CCL16: variants seen among roughly 807,000 people sequenced by gnomAD.
CCL16 encodes the protein C-C motif chemokine 16.
Under a neutral mutation model 7.5 loss-of-function variants are expected in CCL16, and 6 were observed. The observed-to-expected ratio is 0.80, with a 90% CI of 0.44 to 1.57. CCL16 has a LOEUF of 1.57. Ranked by LOEUF, CCL16 falls within the 40% of genes most tolerant of loss-of-function variation. CCL16 has a pLI of 0.01. For missense variants in CCL16, 134 were observed against 142.9 expected, an observed-to-expected ratio of 0.94 and a Z score of 0.32; for synonymous variants, 60 against 57.7, an observed-to-expected ratio of 1.04 and a Z score of -0.18.
rs772761377 is a variant in CCL16 at position 35,978,153 on chromosome 17, G to C, written c.187C>G (p.Pro63Ala). 6.2e-7 allele frequency: 1 copy of C among 1,614,144 alleles called. No individual in the cohort carries two copies. ...GYRKALNCHL[P>A]AIIFVTKRNR... ...AAAGGACGTGCTTACATGATTGCTG[G>C]CAGGTGACAGTTGAGGGCCTTTCTG... The change falls in exon 2 of 3, where the codon CCA (proline) becomes GCA (alanine). Residue 63 changes from proline to alanine, a missense_variant. By Grantham distance (27) the Pro-to-Ala change is conservative (BLOSUM62 -1). Transcript: ENST00000611905.
chr17:35,981,332 C>T lies in CCL16; in HGVS notation c.76+13G>A. 5 of 1,598,962 alleles carry T rather than the reference C, an allele frequency of 3.1e-6. No individual in the cohort carries two copies. Among genetic ancestry groups the T allele is most frequent in the Non-Finnish European group, 4.3e-6 (5 of 1,168,558 alleles). ...CTTTCTCGTTCCTGCCCTACAGAGA[C>T]AAGTGGACTCACTTGGCTGGCTGCG... On this transcript the variant is annotated intron_variant, in intron 1 of 2. Transcript: ENST00000611905.
chr17:35,977,756 A>G, intron 2 of CCL16, 25 bp from the exon 3 acceptor site: 1 of 1,608,596 alleles, frequency 6.2e-7, no homozygotes, highest in Non-Finnish European at 8.5e-7. Flanking sequence ...TTAGACCGTC[A>G]TGGGCTGCAG....
Position 35,976,732 on chromosome 17 carries a change from A to G in CCL16, c.*834T>C, listed in dbSNP as rs185351295. 4 of 151,984 alleles carry G rather than the reference A, an allele frequency of 2.6e-5. No individual in the cohort carries two copies. Among genetic ancestry groups the G allele is most frequent in the Admixed American group, 6.6e-5 (1 of 15,264 alleles). 9.4% of individuals were successfully genotyped at this position (151,984 alleles called of 1,614,324 possible). A position where few individuals can be genotyped will look rare whatever the true frequency, so the allele number is the denominator to read the frequency against. On this transcript the variant is annotated 3_prime_UTR_variant, in exon 3 of 3. Coordinates refer to ENST00000611905, the MANE Select transcript of CCL16 (RefSeq NM_004590.4). The stretch of plus-strand genomic sequence containing the variant: ...AGACAAAATATGAGAGGATCTAGCA[A>G]AGTCTCTGCAAAAATGATTAATGTG...
chr17:35,979,883 G>T lies in CCL16; in HGVS notation c.76+1462C>A, dbSNP rs191295461. On this transcript the variant is annotated intron_variant, in intron 1 of 2. Coordinates refer to ENST00000611905, the MANE Select transcript of CCL16 (RefSeq NM_004590.4). ...CTCTCCCAGCCCCCAAACCTTCAGA[G>T]TGCAAATCTTTTTGTAGCTTGACCC... is the stretch of plus-strand genomic sequence containing the variant. 3.3e-3 allele frequency among the ~76,000 whole-genome samples: 495 copies of T among 152,288 alleles called. 2 individuals carry two copies. The highest frequency in any genetic ancestry group is 6.8e-3 in the Middle Eastern group (2 of 294).
intron 1 of CCL16, among the ~76,000 whole-genome samples, chr17:35,980,139 A>G (rs546066832): frequency 1.3e-5 from 2 of 152,340 alleles, no homozygotes; most frequent in African/African-American, 4.8e-5. Flanking sequence ...TCCTGAGAGT[A>G]TGTGGGCAGA....
At chr17:35,977,768 C>A (rs748734275) in intron 2 of CCL16, 37 bp from the exon 3 acceptor site, 2 of 1,601,372 alleles carry the variant, frequency 1.2e-6, no homozygotes, top group Admixed American at 3.4e-5. Flanking sequence ...GGGCTGCAGA[C>A]TCGGGCAGGA....
In CCL16 at chr17:35,977,526, C is replaced by A. The variant is rs1191755251; in HGVS notation, c.*40G>T. 6.3e-7 allele frequency: 1 copy of A among 1,595,254 alleles called. No individual in the cohort carries two copies. The highest frequency in any genetic ancestry group is 1.3e-5 in the African/African-American group (1 of 74,430). ...TTCCCCTGTTTTCATAGGTTTACCC[C>A]TCTCTTCTGTAAACAAGGGCTTCCA... On this transcript the variant is annotated 3_prime_UTR_variant, in exon 3 of 3. Transcript: ENST00000611905.
rs2089647034 is a variant in CCL16 at position 35,977,514 on chromosome 17, A to G, written c.*52T>C. On this transcript the variant is annotated 3_prime_UTR_variant, in exon 3 of 3. Transcript: ENST00000611905. ...GCCTAATAAGGCTTCCCCTGTTTTCATAGGTTTACCCCTCTCTTCTGTAAA... is the reference window on the plus strand; with the variant it reads ...GCCTAATAAGGCTTCCCCTGTTTTCGTAGGTTTACCCCTCTCTTCTGTAAA... The G allele has an allele frequency of 1.9e-6, 3 of 1,552,044 alleles. No individual in the cohort carries two copies. Among genetic ancestry groups the G allele is most frequent in the Non-Finnish European group, 2.6e-6 (3 of 1,138,232 alleles).
Position 35,977,470 on chromosome 17 carries a change from A to G in CCL16, c.*96T>C. 1 of 1,016,840 alleles carries G rather than the reference A, an allele frequency of 9.8e-7. No homozygotes were observed. Among genetic ancestry groups the G allele is most frequent in the Admixed American group, 2.3e-5 (1 of 44,282 alleles). The allele number at this position is 1,016,840 out of a possible 1,614,324, so 63.0% of individuals were successfully genotyped here. A position where few individuals can be genotyped will look rare whatever the true frequency, so the allele number is the denominator to read the frequency against. On this transcript the variant is annotated 3_prime_UTR_variant, in exon 3 of 3. Coordinates refer to ENST00000611905, the MANE Select transcript of CCL16 (RefSeq NM_004590.4). Reference sequence around the variant, plus strand: ...TTTGATCATTGTTCTGCTTCTCTCAATGTGACTGGCTAGTTTCAGCCTAAT... The same window carrying G: ...TTTGATCATTGTTCTGCTTCTCTCAGTGTGACTGGCTAGTTTCAGCCTAAT...
chr17:35,977,908 T>A (rs1318897862), intron 2 of CCL16, among the ~76,000 whole-genome samples, 177 bp from the exon 3 acceptor site: 3 of 152,030 alleles, frequency 2.0e-5, no homozygotes, highest in Non-Finnish European at 4.4e-5. Flanking sequence ...TACCATCCCT[T>A]CTCTCAGTCC....
intron 1 of CCL16, 109 bp from the exon 2 acceptor site, chr17:35,978,372 T>A: frequency 6.9e-7 from 1 of 1,448,174 alleles, no homozygotes; most frequent in Non-Finnish European, 9.6e-7. Flanking sequence ...CAAAGCCGTC[T>A]GTTAGAGGAG....
rs1425705061 is a variant in CCL16, at chr17:35,978,244, G to A, written c.96C>T (p.Asn32=). 2 of 1,614,212 alleles carry A rather than the reference G, an allele frequency of 1.2e-6. No homozygotes were observed. The highest frequency in any genetic ancestry group is 1.7e-5 in the Admixed American group (1 of 60,026). The part of the protein sequence containing the change: ...RSQPKVPEWV[N]TPSTCCLKYY... ...ACTTCAGGCAGCAGGTGGATGGGGT[G>A]TTCACCCACTCAGGAACTTCTGAAG... Residue 32 remains asparagine, a synonymous_variant, in exon 2 of 3, where the codon AAC becomes AAT. Transcript: ENST00000611905.
intron 2 of CCL16, 95 bp from the exon 3 acceptor site, chr17:35,977,826 T>G (rs1452848411): frequency 7.1e-7 from 1 of 1,400,152 alleles, no homozygotes; most frequent in Non-Finnish European, 9.8e-7. Context: ...TCACCTTATG[T>G]TCTTTAAAGC....
intron 2 of CCL16, 30 bp from the exon 3 acceptor site, chr17:35,977,761 C>T: frequency 6.2e-7 from 1 of 1,605,244 alleles, no homozygotes; most frequent in Non-Finnish European, 8.5e-7. Context: ...CCGTCATGGG[C>T]TGCAGACTCG....
intron 1 of CCL16, among the ~76,000 whole-genome samples, chr17:35,979,642 A>G (rs547251354): frequency 1.3e-5 from 2 of 152,304 alleles, no homozygotes; most frequent in Non-Finnish European, 2.9e-5. Context: ...CCCTTAACTC[A>G]GAGCCTGGCA....
At position 35,977,472 on chromosome 17, in the gene CCL16, G is replaced by T. The variant is rs551409831; in HGVS notation, c.*94C>A. ...TGATCATTGTTCTGCTTCTCTCAAT[G>T]TGACTGGCTAGTTTCAGCCTAATAA... On this transcript the variant is annotated 3_prime_UTR_variant, in exon 3 of 3. Transcript: ENST00000611905. The T allele has an allele frequency of 1.5e-4, 151 of 1,028,220 alleles. 5 individuals are homozygous for T. In the South Asian group the frequency reaches 2.1e-3, roughly 15 times the overall value. The allele number at this position is 1,028,220 out of a possible 1,614,324, so 63.7% of individuals were successfully genotyped here. A position where few individuals can be genotyped will look rare whatever the true frequency, so the allele number is the denominator to read the frequency against.
Position 35,977,369 on chromosome 17 carries a change from G to T in CCL16, c.*197C>A. 1 of 423,524 alleles carries T rather than the reference G, an allele frequency of 2.4e-6. No homozygotes were observed. The highest frequency in any genetic ancestry group is 3.6e-5 in the East Asian group (1 of 27,762). 26.2% of individuals were successfully genotyped at this position (423,524 alleles called of 1,614,324 possible). A position where few individuals can be genotyped will look rare whatever the true frequency, so the allele number is the denominator to read the frequency against. The stretch of plus-strand genomic sequence containing the variant: ...AATATAAATATAAAAATAAAAGAGC[G>T]TACCTCTGCCCACGTCCCTTAACTT... On this transcript the variant is annotated 3_prime_UTR_variant, in exon 3 of 3. Transcript: ENST00000611905.
At chr17:35,979,688 G>A (rs2089666579) in intron 1 of CCL16, among the ~76,000 whole-genome samples, 1 of 152,156 alleles carries the variant, frequency 6.6e-6, no homozygotes, top group Non-Finnish European at 1.5e-5. Context: ...TTATAATTAA[G>A]AGCCAATGGT....
chr17:35,980,313 G>A (rs2089671152), intron 1 of CCL16: 1 of 152,794 alleles, frequency 6.5e-6, no homozygotes, highest in Admixed American at 6.5e-5. Flanking sequence ...ACGAGGTCAG[G>A]AGTTTGAGAC....
Sources: gnomAD v4.1 joint callset for allele counts (sites outside exome capture counted in the v4.1 genomes callset) on GRCh38, gnomAD v4.1.1 for gene constraint, MANE v1.5 for transcripts, NCBI Gene and HGNC (gene_info 2026-07-23, HGNC 2026-07-21) for gene names.